The following PPA2 variants were observed in gnomAD, a reference collection of about 807,000 sequenced individuals.
PPA2 encodes the protein inorganic pyrophosphatase 2, also known as inorganic pyrophosphatase 2, mitochondrial.
A neutral mutation model predicts 49.5 loss-of-function variants in PPA2; 48 were observed. That is an observed-to-expected ratio of 0.97 (90% confidence interval 0.77 to 1.23). PPA2 has a LOEUF of 1.23. Among genes scored for constraint, PPA2 ranks in the 50% most tolerant of loss-of-function variants. The probability of loss-of-function intolerance (pLI) is 0.00; values close to 1 mark genes in which losing one functional copy is unlikely to be tolerated. For missense variants in PPA2, 429 were observed against 410.1 expected, an observed-to-expected ratio of 1.05 and a Z score of -0.40; for synonymous variants, 131 against 139.9, an observed-to-expected ratio of 0.94 and a Z score of 0.45.
intron 2 of PPA2, among the ~76,000 whole-genome samples, chr4:105,454,119 C>T (rs1216939208): frequency 6.6e-6 from 1 of 152,070 alleles, no homozygotes; most frequent in East Asian, 1.9e-4. Flanking sequence ...TCCCATTAAA[C>T]CAAGCACTTT....
intron 10 of PPA2, among the ~76,000 whole-genome samples, chr4:105,385,404 CAGT>C: frequency 6.7e-6 from 1 of 149,164 alleles, no homozygotes; most frequent in East Asian, 1.9e-4. Flanking sequence ...GCTGACACAT[CAGT>C]AAAAAAAAAA....
chr4:105,402,173 G>T (rs113017309), intron 7 of PPA2, among the ~76,000 whole-genome samples: 12 of 152,162 alleles, frequency 7.9e-5, no homozygotes, highest in African/African-American at 2.9e-4. Context: ...TTGGGAAGCT[G>T]AGGTGGGAGG....
chr4:105,418,122 T>C (rs1227727798), intron 7 of PPA2, among the ~76,000 whole-genome samples: 1 of 152,250 alleles, frequency 6.6e-6, no homozygotes, highest in Admixed American at 6.5e-5. Context: ...TGACAAATGT[T>C]AGAGCTCTTA....
At chr4:105,411,289 C>G (rs1484357656) in intron 7 of PPA2, among the ~76,000 whole-genome samples, 1 of 152,054 alleles carries the variant, frequency 6.6e-6, no homozygotes. Flanking sequence ...GACCTTAAAC[C>G]AACACGGATC....
intron 8 of PPA2, among the ~76,000 whole-genome samples, chr4:105,397,587 C>G (rs920537281): frequency 6.6e-6 from 1 of 152,048 alleles, no homozygotes; most frequent in African/African-American, 2.4e-5. Flanking sequence ...TCTCAAATCT[C>G]ATGTTCAAAT....
At chr4:105,372,447 C>T (rs572758626) in intron 10 of PPA2, among the ~76,000 whole-genome samples, 3 of 152,130 alleles carry the variant, frequency 2.0e-5, no homozygotes, top group African/African-American at 7.2e-5. Flanking sequence ...TAAAATATTC[C>T]CTATGATAGC....
At chr4:105,373,956 A>G (rs1280830241) in intron 10 of PPA2, among the ~76,000 whole-genome samples, 2 of 152,182 alleles carry the variant, frequency 1.3e-5, no homozygotes, top group Non-Finnish European at 2.9e-5. Flanking sequence ...TCTACAGTCA[A>G]TGATTTCCTG....
intron 1 of PPA2, among the ~76,000 whole-genome samples, chr4:105,464,007 G>A (rs559390681): frequency 2.4e-4 from 36 of 152,334 alleles, no homozygotes; most frequent in African/African-American, 8.4e-4. Flanking sequence ...TAGTGGAGCT[G>A]TGAGAAGAGG....
At chr4:105,389,913 C>T (rs1255329737) in intron 9 of PPA2, among the ~76,000 whole-genome samples, 4 of 152,054 alleles carry the variant, frequency 2.6e-5, no homozygotes, top group African/African-American at 9.7e-5. Flanking sequence ...GTACACAAAG[C>T]CAAAACAACT....
chr4:105,401,957 C>G (rs1722210225), intron 7 of PPA2, among the ~76,000 whole-genome samples: 1 of 152,090 alleles, frequency 6.6e-6, no homozygotes, highest in African/African-American at 2.4e-5. Flanking sequence ...ATTCCCAAAC[C>G]ATTTATGCTA....
At chr4:105,393,787 CT>C (rs753947953) in intron 9 of PPA2, among the ~76,000 whole-genome samples, 10 of 151,850 alleles carry the variant, frequency 6.6e-5, no homozygotes, top group Non-Finnish European at 1.0e-4. Context: ...GCAGAGGAAG[CT>C]TGCCAATCTA....
At chr4:105,375,257 G>A (rs768689669) in intron 10 of PPA2, among the ~76,000 whole-genome samples, 4 of 151,762 alleles carry the variant, frequency 2.6e-5, no homozygotes, top group African/African-American at 4.8e-5. Flanking sequence ...TCTACCATCC[G>A]GTGGTAATGC....
intron 1 of PPA2, among the ~76,000 whole-genome samples, chr4:105,470,819 G>T (rs185820900): frequency 3.9e-5 from 6 of 152,324 alleles, no homozygotes; most frequent in Admixed American, 3.9e-4. Flanking sequence ...TCATCTGAAG[G>T]TAAGGGATGC....
chr4:105,417,539 T>A (rs1473028998), intron 7 of PPA2, among the ~76,000 whole-genome samples: 1 of 136,070 alleles, frequency 7.3e-6, no homozygotes, highest in East Asian at 2.2e-4. Context: ...CTTCACCATA[T>A]CATGGGAATG....
At chr4:105,383,102 C>A (rs1489648551) in intron 10 of PPA2, among the ~76,000 whole-genome samples, 3 of 152,198 alleles carry the variant, frequency 2.0e-5, no homozygotes, top group African/African-American at 7.2e-5. Flanking sequence ...TCAGAGCACT[C>A]TCTCTCCCTT....
chr4:105,435,697 A>T (rs938559205), intron 6 of PPA2, among the ~76,000 whole-genome samples: 7 of 152,156 alleles, frequency 4.6e-5, no homozygotes, highest in African/African-American at 1.7e-4. Flanking sequence ...GAAAACTAAG[A>T]ATAAAAACCA....
chr4:105,464,772 T>C (rs1257824214), intron 1 of PPA2, among the ~76,000 whole-genome samples: 3 of 152,206 alleles, frequency 2.0e-5, no homozygotes. Context: ...TCGGCCATGA[T>C]TGTGAGGCCT....
At chr4:105,387,137 C>T (rs1733716239) in intron 9 of PPA2, among the ~76,000 whole-genome samples, 1 of 152,074 alleles carries the variant, frequency 6.6e-6, no homozygotes, top group Admixed American at 6.6e-5. Flanking sequence ...TTCAGCCAGG[C>T]ATAGGAATAG....
At chr4:105,459,086 A>T (rs1232490001) in intron 1 of PPA2, among the ~76,000 whole-genome samples, 4 of 152,142 alleles carry the variant, frequency 2.6e-5, no homozygotes, top group Admixed American at 2.6e-4. Flanking sequence ...AAATGTCTCT[A>T]TTACTATTTT....
Sources: allele counts gnomAD v4.1 joint callset (sites outside exome capture counted in the v4.1 genomes callset), GRCh38; gene constraint gnomAD v4.1.1; transcripts MANE v1.5; gene names NCBI Gene and HGNC (gene_info 2026-07-23, HGNC 2026-07-21).